MYT1L: variants seen among roughly 807,000 people sequenced by gnomAD.
MYT1L encodes the protein myelin transcription factor 1-like protein.
MYT1L carries 12 observed loss-of-function variants against 126.7 expected under a neutral mutation model. That is an observed-to-expected ratio of 0.09 (90% CI 0.06 to 0.15). The LOEUF is 0.15. Ranked by LOEUF, MYT1L falls within the 10% of genes least tolerant of loss-of-function variation. MYT1L has a pLI of 1.00. For synonymous variants in MYT1L, 541 were observed against 604.2 expected (o/e 0.90, Z 1.53); for missense variants, 979 against 1,585.2 (o/e 0.62, Z 6.49).
intron 3 of MYT1L, among the ~76,000 whole-genome samples, chr2:2,090,079 T>G (rs1014721845): frequency 6.6e-6 from 1 of 152,170 alleles, no homozygotes; most frequent in African/African-American, 2.4e-5. Flanking sequence ...CTGCCATTAT[T>G]CATGGGAGTC....
At chr2:1,976,884 A>G (rs540554606) in intron 8 of MYT1L, among the ~76,000 whole-genome samples, 1 of 152,324 alleles carries the variant, frequency 6.6e-6, no homozygotes, top group East Asian at 1.9e-4. Context: ...TTTACATAAT[A>G]AAGTCTGCAA....
intron 2 of MYT1L, among the ~76,000 whole-genome samples, chr2:2,263,902 A>G (rs2095055836): frequency 3.9e-5 from 6 of 152,216 alleles, no homozygotes; most frequent in Admixed American, 3.9e-4. Flanking sequence ...ACTTTAAAAA[A>G]TTGGGGTAAC....
chr2:1,932,079 G>C (rs1174431466), intron 9 of MYT1L, among the ~76,000 whole-genome samples: 1 of 152,176 alleles, frequency 6.6e-6, no homozygotes, highest in Non-Finnish European at 1.5e-5. Context: ...CACTCCCATG[G>C]CCATTGATGG....
intron 3 of MYT1L, among the ~76,000 whole-genome samples, chr2:2,095,954 C>T (rs969716676): frequency 3.3e-5 from 5 of 152,034 alleles, no homozygotes; most frequent in African/African-American, 1.2e-4. Flanking sequence ...GAGGAGGAGC[C>T]CTGGTGAACG....
chr2:1,814,976 T>G (rs2037393726), intron 21 of MYT1L, among the ~76,000 whole-genome samples: 1 of 152,210 alleles, frequency 6.6e-6, no homozygotes, highest in Non-Finnish European at 1.5e-5. Context: ...GCTGACTTAT[T>G]CTAGTGACCT....
rs2095792301 is a variant in MYT1L, at chr2:2,301,881, CA to C, written c.-520-17379del. Among the ~76,000 whole-genome samples, 3 of 149,424 alleles carry C rather than the reference CA, an allele frequency of 2.0e-5. No individual in the cohort carries two copies. The South Asian group carries it at 6.4e-4, about 32-fold the overall frequency. ...TACATATGGTCATATCATAGAGATT[CA>C]CTACTGGGCCCAAATATTAAGTTCA... On this transcript the variant is annotated intron_variant, in intron 1 of 24. Transcript: ENST00000647738.
chr2:1,889,158 C>A lies in MYT1L; in HGVS notation c.2520+83G>T, dbSNP rs897942242. 2 of 1,009,640 alleles carry A rather than the reference C, an allele frequency of 2.0e-6. No homozygotes were observed. Among genetic ancestry groups the A allele is most frequent in the African/African-American group, 3.2e-5 (2 of 62,168 alleles). 62.5% of individuals were successfully genotyped at this position (1,009,640 alleles called of 1,614,324 possible). A position where few individuals can be genotyped will look rare whatever the true frequency, so the allele number is the denominator to read the frequency against. ...AAAGAGAAAATATATTTTCTCATAACGTATGTGCAAATGGCTTTTCTTTCA... is the reference window on the plus strand; with the variant it reads ...AAAGAGAAAATATATTTTCTCATAAAGTATGTGCAAATGGCTTTTCTTTCA... On this transcript the variant is annotated intron_variant, in intron 16 of 24. Transcript: ENST00000647738. This position sits in a 1 kb window ranked among gnomAD's most constrained non-coding sequence, Gnocchi z 4.1.
chr2:2,307,925 C>CT lies in MYT1L; in HGVS notation c.-521+23041dup, dbSNP rs200605342. 5.7e-3 allele frequency among the ~76,000 whole-genome samples: 856 copies of CT among 149,944 alleles called. 2 individuals carry two copies. Among genetic ancestry groups the CT allele is most frequent in the Non-Finnish European group, 7.4e-3 (496 of 66,854 alleles). ...TCAGTACACTCTATCTATACTCCAC[C>CT]TATACTTCATGTACACTTCAGTACA... On this transcript the variant is annotated intron_variant, in intron 1 of 24. Coordinates refer to ENST00000647738, the MANE Select transcript of MYT1L (RefSeq NM_001303052.2).
intron 2 of MYT1L, among the ~76,000 whole-genome samples, chr2:2,253,146 A>G (rs2094700403): frequency 6.6e-6 from 1 of 152,316 alleles, no homozygotes; most frequent in East Asian, 1.9e-4. Flanking sequence ...ATTTAAAAAA[A>G]AAAGAAAAAA....
chr2:2,154,293 G>A (rs56356625), intron 3 of MYT1L, among the ~76,000 whole-genome samples: 4,764 of 152,180 alleles, frequency 0.031, 262 homozygotes, highest in African/African-American at 0.1. Flanking sequence ...TGATACCTAG[G>A]TTAATGAAGA....
chr2:2,247,120 C>T (rs1374087058), intron 2 of MYT1L, among the ~76,000 whole-genome samples: 1 of 152,002 alleles, frequency 6.6e-6, no homozygotes, highest in African/African-American at 2.4e-5. Context: ...AAAAACAAGA[C>T]CCAACGATCT....
intron 3 of MYT1L, among the ~76,000 whole-genome samples, chr2:2,143,569 ATTC>A (rs2084373331): frequency 6.6e-6 from 1 of 152,044 alleles, no homozygotes; most frequent in Non-Finnish European, 1.5e-5. Flanking sequence ...TTAAGAGATT[ATTC>A]TTCTCCTGAT....
chr2:2,288,608 G>T (rs1226001192), intron 1 of MYT1L, among the ~76,000 whole-genome samples: 1 of 152,174 alleles, frequency 6.6e-6, no homozygotes, highest in East Asian at 1.9e-4. Flanking sequence ...TCATATTTAG[G>T]TTAGATAGCT....
intron 15 of MYT1L, among the ~76,000 whole-genome samples, chr2:1,891,276 C>A (rs2048840855): frequency 6.6e-6 from 1 of 152,166 alleles, no homozygotes; most frequent in Non-Finnish European, 1.5e-5. Context: ...CTTTGTTTAT[C>A]AGGAGAGGAG....
chr2:2,048,034 G>A (rs1034633270), intron 4 of MYT1L, among the ~76,000 whole-genome samples: 7 of 152,130 alleles, frequency 4.6e-5, no homozygotes, highest in African/African-American at 1.4e-4. Flanking sequence ...GTCAGACCTT[G>A]GACTGTGAGC....
At chr2:2,191,077 G>T (rs535784509) in intron 2 of MYT1L, among the ~76,000 whole-genome samples, 115 of 152,324 alleles carry the variant, frequency 7.5e-4, no homozygotes, top group African/African-American at 2.7e-3. Flanking sequence ...GGGCCACCGC[G>T]CCTGGCTGTC....
rs187453129 is a variant in MYT1L, at chr2:2,202,529, G to A, written c.-420-29541C>T. Among the ~76,000 whole-genome samples, 5 of 152,244 alleles carry A rather than the reference G, an allele frequency of 3.3e-5. No individual in the cohort carries two copies. In the East Asian group the frequency reaches 9.6e-4, roughly 29 times the overall value. On this transcript the variant is annotated intron_variant, in intron 2 of 24. Coordinates refer to ENST00000647738, the MANE Select transcript of MYT1L (RefSeq NM_001303052.2). ...ATAAACTAGAAAACCTAGAAGAAAT[G>A]GATAAATTCATCAACACACACACCC...
chr2:1,912,082 CT>C lies in MYT1L; in HGVS notation c.1646del (p.Lys549SerfsTer63). 6.3e-7 allele frequency: 1 copy of C among 1,589,282 alleles called. No homozygotes were observed. The highest frequency in any genetic ancestry group is 8.6e-7 in the Non-Finnish European group (1 of 1,162,854). ...EILAMHESVL[K>X]CPTPGCTGRG... ...GCCCCGTGCAGCCCGGAGTGGGGCA[CT>C]TGAGGACACTTTCATGCATGGCAAG... On this transcript the variant is annotated frameshift_variant, in exon 12 of 25. Transcript: ENST00000647738. LOFTEE classifies it high-confidence loss of function. The surrounding 1 kb of genome is among the most constrained non-coding windows in gnomAD (Gnocchi z 4.3).
chr2:1,878,872 C>T (rs1573146851), intron 18 of MYT1L, among the ~76,000 whole-genome samples: 1 of 152,292 alleles, frequency 6.6e-6, no homozygotes, highest in African/African-American at 2.4e-5. Context: ...CTCCATCTCT[C>T]ATTCATGAAT....
Sources: allele counts gnomAD v4.1 joint callset (sites outside exome capture counted in the v4.1 genomes callset), GRCh38; gene constraint gnomAD v4.1.1; non-coding constraint Gnocchi (gnomAD v3.1); transcripts MANE v1.5; gene names NCBI Gene and HGNC (gene_info 2026-07-23, HGNC 2026-07-21).